C1orf105: variants seen among roughly 807,000 people sequenced by gnomAD.
C1orf105 encodes the protein chromosome 1 open reading frame 105.
A neutral mutation model predicts 20.8 loss-of-function variants in C1orf105; 17 were observed. The observed-to-expected ratio is 0.82, with a 90% CI of 0.56 to 1.23. The LOEUF (loss-of-function observed/expected upper bound fraction) is 1.23. C1orf105 is among the 50% of genes most tolerant of loss of function. The pLI is 0.00. For missense variants in C1orf105, 219 were observed against 213.5 expected, an observed-to-expected ratio of 1.03 and a Z score of -0.16; for synonymous variants, 72 against 72.1, an observed-to-expected ratio of 1.00 and a Z score of 0.01.
At chr1:172,442,627 C>T in intron 1 of C1orf105, 1 of 1,603,582 alleles carries the variant, frequency 6.2e-7, no homozygotes, top group Non-Finnish European at 8.5e-7. Context: ...ATACATTATC[C>T]TTTCATTCAA....
At chr1:172,466,573 TACACACACACACACACACACACAC>T (rs3980398) in intron 6 of C1orf105, among the ~76,000 whole-genome samples, 4 of 147,192 alleles carry the variant, frequency 2.7e-5, no homozygotes, top group Admixed American at 2.0e-4. Flanking sequence ...ATGAATCACA[TACACACACACACACACACACACAC>T]ACACACACAC....
intron 1 of C1orf105, among the ~76,000 whole-genome samples, chr1:172,423,243 C>T (rs1165565907): frequency 6.6e-6 from 1 of 152,204 alleles, no homozygotes; most frequent in African/African-American, 2.4e-5. Context: ...CACAGGAGTG[C>T]TTATATCACC....
intron 1 of C1orf105, among the ~76,000 whole-genome samples, chr1:172,422,566 G>A (rs1454477089): frequency 1.3e-5 from 2 of 151,884 alleles, no homozygotes; most frequent in Non-Finnish European, 2.9e-5. Context: ...CAGGTCTGGT[G>A]GCTACGAGGA....
At chr1:172,462,699 A>G (rs556954746) in intron 5 of C1orf105, among the ~76,000 whole-genome samples, 2 of 152,270 alleles carry the variant, frequency 1.3e-5, no homozygotes, top group South Asian at 4.1e-4. Flanking sequence ...TTAAATCAAG[A>G]TCGAGTATAA....
chr1:172,449,900 C>T (rs1409266793), intron 3 of C1orf105, among the ~76,000 whole-genome samples: 2 of 152,160 alleles, frequency 1.3e-5, no homozygotes, highest in Non-Finnish European at 1.5e-5. Context: ...TCTCACCTGC[C>T]GCTGAATGCC....
chr1:172,458,492 C>A (rs6680035), intron 4 of C1orf105, among the ~76,000 whole-genome samples: 40,368 of 151,834 alleles, frequency 0.27, 5,675 homozygotes, highest in South Asian at 0.41. Context: ...AAATTTAACA[C>A]GAGAAGCACA....
At chr1:172,437,776 C>G (rs1179445322) in intron 1 of C1orf105, among the ~76,000 whole-genome samples, 1 of 149,652 alleles carries the variant, frequency 6.7e-6, no homozygotes, top group East Asian at 2.0e-4. Flanking sequence ...CGATTTATTT[C>G]TACTAGAAAA....
rs193048296 is a variant in C1orf105, at chr1:172,449,448, A to G, written c.198+917A>G. Among the ~76,000 whole-genome samples, 65 of 152,306 alleles carry G rather than the reference A, an allele frequency of 4.3e-4. No individual in the cohort carries two copies. The Middle Eastern group carries it at 0.01, about 24-fold the overall frequency. On this transcript the variant is annotated intron_variant, in intron 3 of 6. Coordinates refer to ENST00000367727, the MANE Select transcript of C1orf105 (RefSeq NM_139240.4). Reference sequence around the variant, plus strand: ...AGGAAGTGGCATCTGCACTGGACCTAGAAGATACTGTTTTCAAGTGGAGGG... The same window carrying G: ...AGGAAGTGGCATCTGCACTGGACCTGGAAGATACTGTTTTCAAGTGGAGGG...
At chr1:172,430,334 A>T in intron 1 of C1orf105, 1 of 701,730 alleles carries the variant, frequency 1.4e-6, no homozygotes, top group Non-Finnish European at 2.6e-6. Context: ...GGCATGCCAC[A>T]GGTGAGCCTC....
chr1:172,437,186 A>C (rs1040394034), intron 1 of C1orf105, among the ~76,000 whole-genome samples: 2 of 152,200 alleles, frequency 1.3e-5, no homozygotes. Flanking sequence ...GCGATTCCTC[A>C]AGGATTTAGA....
chr1:172,428,773 C>A lies in C1orf105; in HGVS notation c.21+7867C>A, dbSNP rs1439568358. 6 of 696,850 alleles carry A rather than the reference C, an allele frequency of 8.6e-6. No homozygotes were observed. In the Admixed American group the frequency reaches 1.2e-4, roughly 14 times the overall value. 43.2% of individuals were successfully genotyped at this position (696,850 alleles called of 1,614,324 possible). A position where few individuals can be genotyped will look rare whatever the true frequency, so the allele number is the denominator to read the frequency against. On this transcript the variant is annotated intron_variant, in intron 1 of 6. Transcript: ENST00000367727. ...ATGTCAGCTCTACTAGGTCAAGAAC[C>A]TTTGTCCTTTTTATTTACAGATATA...
chr1:172,430,197 G>A, intron 1 of C1orf105: 1 of 574,684 alleles, frequency 1.7e-6, no homozygotes, highest in Non-Finnish European at 3.1e-6. Flanking sequence ...TTTCAGTGTG[G>A]TTTAAATATA....
intron 5 of C1orf105, 105 bp from the exon 6 acceptor site, chr1:172,465,194 A>C: frequency 2.3e-6 from 1 of 427,766 alleles, no homozygotes; most frequent in Non-Finnish European, 3.7e-6. Context: ...CAATAATAAT[A>C]ATAAATAATA....
intron 3 of C1orf105, among the ~76,000 whole-genome samples, chr1:172,453,799 A>G (rs112699117): frequency 4.6e-5 from 7 of 152,314 alleles, no homozygotes; most frequent in African/African-American, 1.7e-4. Flanking sequence ...CACCCAACTG[A>G]GGTTAGGAGG....
Position 172,465,607 on chromosome 1 carries a change from G to T in C1orf105, c.406+244G>T, listed in dbSNP as rs1353140933. On this transcript the variant is annotated intron_variant, in intron 6 of 6. Transcript: ENST00000367727. ...TTATACATGTCATGTTCCTTCCCAG[G>T]ATCTGTCCACAACATATGGCTGAAG... 6 of 630,062 alleles carry T rather than the reference G, an allele frequency of 9.5e-6. No individual in the cohort carries two copies. In the East Asian group the frequency reaches 1.9e-4, roughly 20 times the overall value. The allele number at this position is 630,062 out of a possible 1,614,324, so 39.0% of individuals were successfully genotyped here.
intron 4 of C1orf105, among the ~76,000 whole-genome samples, chr1:172,460,890 T>A (rs906272380): frequency 1.3e-5 from 2 of 152,248 alleles, no homozygotes; most frequent in African/African-American, 4.8e-5. Flanking sequence ...ATCCTGTCTT[T>A]GGCAGGCAGC....
chr1:172,436,230 G>GA (rs1212011236), intron 1 of C1orf105, among the ~76,000 whole-genome samples: 1 of 152,094 alleles, frequency 6.6e-6, no homozygotes, highest in Admixed American at 6.5e-5. Flanking sequence ...CACAGAATTG[G>GA]AAAAAACTAC....
Position 172,452,677 on chromosome 1 carries a change from G to A in C1orf105, c.199-3738G>A, listed in dbSNP as rs554243435. On this transcript the variant is annotated intron_variant, in intron 3 of 6. Coordinates refer to ENST00000367727, the MANE Select transcript of C1orf105 (RefSeq NM_139240.4). Reference sequence around the variant, plus strand: ...CAGCAGATATTGTCCTAGGGTATGAGGATGTTTCCAATTGTCAAATGTGTT... The same window carrying A: ...CAGCAGATATTGTCCTAGGGTATGAAGATGTTTCCAATTGTCAAATGTGTT... 4 of 607,582 alleles carry A rather than the reference G, an allele frequency of 6.6e-6. No homozygotes were observed. In the South Asian group the frequency reaches 2.2e-4, roughly 33 times the overall value. 37.6% of individuals were successfully genotyped at this position (607,582 alleles called of 1,614,324 possible).
intron 1 of C1orf105, chr1:172,430,331 CA>C: frequency 1.4e-6 from 1 of 701,610 alleles, no homozygotes; most frequent in East Asian, 2.7e-5. Flanking sequence ...AGAGGCATGC[CA>C]CAGGTGAGCC....
Sources: allele counts gnomAD v4.1 joint callset (sites outside exome capture counted in the v4.1 genomes callset), GRCh38; gene constraint gnomAD v4.1.1; transcripts MANE v1.5; gene names NCBI Gene and HGNC (gene_info 2026-07-23, HGNC 2026-07-21).